The following TXN2 variants were observed in gnomAD, a reference collection of about 807,000 sequenced individuals.
TXN2 encodes the protein thioredoxin, mitochondrial.
In TXN2, 12 loss-of-function variants were observed where a neutral mutation model predicts 14.6. The observed-to-expected ratio is 0.82, with a 90% CI of 0.53 to 1.33. The LOEUF is 1.33. TXN2 is among the 40% of genes most tolerant of loss of function. The probability of loss-of-function intolerance (pLI) is 0.00; values close to 1 mark genes in which losing one functional copy is unlikely to be tolerated. For missense variants in TXN2, 173 were observed against 207.7 expected, an observed-to-expected ratio of 0.83 and a Z score of 1.03; for synonymous variants, 89 against 81.0, an observed-to-expected ratio of 1.10 and a Z score of -0.53.
intron 2 of TXN2, among the ~76,000 whole-genome samples, chr22:36,477,970 C>A (rs893869754): frequency 2.6e-5 from 4 of 151,886 alleles, no homozygotes; most frequent in Non-Finnish European, 5.9e-5. Context: ...AACCTCGTCT[C>A]TACTAAAAAT....
chr22:36,478,793 C>A (rs554267515), intron 2 of TXN2, among the ~76,000 whole-genome samples: 1 of 151,472 alleles, frequency 6.6e-6, no homozygotes, highest in African/African-American at 2.4e-5. Context: ...ATGGTGAAAC[C>A]CCGTCTCTAC....
At position 36,476,827 on chromosome 22, in the gene TXN2, G is replaced by A. The variant is rs139984170; in HGVS notation, c.293C>T (p.Pro98Leu). ...QWCGPCKILG[P>L]RLEKMVAKQH... ...CTTGGCCACCATCTTCTCTAACCTCGGCCCCAGGATCTTGCAGGGTCCACA... is the reference window on the plus strand; with the variant it reads ...CTTGGCCACCATCTTCTCTAACCTCAGCCCCAGGATCTTGCAGGGTCCACA... The change falls in exon 3 of 4, where the codon CCG becomes CTG. Residue 98 changes from proline (P) to leucine (L), a missense_variant. Coordinates refer to ENST00000216185, the MANE Select transcript of TXN2 (RefSeq NM_012473.4). The A allele has an allele frequency of 8.7e-5, 140 of 1,613,860 alleles. No individual in the cohort carries two copies. Among genetic ancestry groups the A allele is most frequent in the Non-Finnish European group, 1.1e-4 (133 of 1,180,022 alleles).
Position 36,480,729 on chromosome 22 carries a change from A to C in TXN2, c.109T>G (p.Cys37Gly). Reference protein sequence around the residue: ...LTSRALQTPQCSPGGLTVTPN... With the variant: ...LTSRALQTPQGSPGGLTVTPN... ...GTTACAGTCAGGCCACCAGGACTGC[A>C]TTGTGGGGTCTGCAGGGCTCTGGAA... The change falls in exon 2 of 4, where the codon TGC (cysteine) becomes GGC (glycine). Residue 37 changes from cysteine to glycine, a missense_variant. Physicochemically the swap from Cys to Gly is radical, Grantham distance 159. Coordinates refer to ENST00000216185, the MANE Select transcript of TXN2 (RefSeq NM_012473.4). 1.2e-6 allele frequency: 2 copies of C among 1,614,078 alleles called. No homozygotes were observed. The highest frequency in any genetic ancestry group is 1.7e-6 in the Non-Finnish European group (2 of 1,180,006).
chr22:36,480,643 C>T lies in TXN2; in HGVS notation c.195G>A (p.Gln65=), dbSNP rs1426144739. 5.6e-6 allele frequency: 9 copies of T among 1,614,182 alleles called. No individual in the cohort carries two copies. Among genetic ancestry groups the T allele is most frequent in the Non-Finnish European group, 7.6e-6 (9 of 1,180,030 alleles). The stretch of plus-strand genomic sequence containing the variant: ...CTCGGTCTTGAAAGTCAGGTCCATC[C>T]TGGATATTAAAGGTTGTCAAGGAGA... ...TRISLTTFNI[Q]DGPDFQDRVV... Residue 65 remains glutamine, a synonymous_variant, in exon 2 of 4, where the codon CAG becomes CAA. Transcript: ENST00000216185.
chr22:36,477,420 G>C (rs1337506930), intron 2 of TXN2, among the ~76,000 whole-genome samples: 1 of 152,214 alleles, frequency 6.6e-6, no homozygotes, highest in African/African-American at 2.4e-5. Context: ...GTGTTAGCCA[G>C]GATGGTCTCG....
chr22:36,477,365 G>A (rs1195608965), intron 2 of TXN2, among the ~76,000 whole-genome samples: 2 of 152,088 alleles, frequency 1.3e-5, no homozygotes, highest in Non-Finnish European at 2.9e-5. Flanking sequence ...CTGCCAACAC[G>A]CCCAGCTAAT....
chr22:36,472,301 A>C (rs900884758), intron 3 of TXN2, among the ~76,000 whole-genome samples: 2 of 152,156 alleles, frequency 1.3e-5, no homozygotes, highest in African/African-American at 4.8e-5. Flanking sequence ...AGAGATGAAC[A>C]GGCAGAGGAG....
chr22:36,475,333 G>A (rs1303810051), intron 3 of TXN2, among the ~76,000 whole-genome samples: 1 of 152,192 alleles, frequency 6.6e-6, no homozygotes, highest in African/African-American at 2.4e-5. Flanking sequence ...AGCCGAGATT[G>A]TGCCACTGCA....
At chr22:36,475,324 G>C (rs1318446072) in intron 3 of TXN2, among the ~76,000 whole-genome samples, 2 of 152,222 alleles carry the variant, frequency 1.3e-5, no homozygotes, top group Non-Finnish European at 2.9e-5. Context: ...GTTGCAGTGA[G>C]CCGAGATTGT....
chr22:36,476,694 A>C (rs758137122), intron 3 of TXN2, 39 bp downstream of exon 3: 1 of 1,613,444 alleles, frequency 6.2e-7, no homozygotes, highest in South Asian at 1.1e-5. Context: ...GACACCTCCT[A>C]TACTGGCTTC....
intron 1 of TXN2, 144 bp from the exon 2 acceptor site, chr22:36,480,981 G>C (rs1933490444): frequency 1.1e-6 from 1 of 902,356 alleles, no homozygotes; most frequent in Non-Finnish European, 1.5e-6. Flanking sequence ...TTGTAGCGTG[G>C]AAGTGAGGAA....
At chr22:36,470,140 T>C (rs1031769996) in intron 3 of TXN2, among the ~76,000 whole-genome samples, 2 of 152,156 alleles carry the variant, frequency 1.3e-5, no homozygotes, top group South Asian at 2.1e-4. Flanking sequence ...TCAAAAACCA[T>C]GCACATGGTA....
rs887271242 is a variant in TXN2 at position 36,479,743 on chromosome 22, T to A, written c.263+832A>T. Among the ~76,000 whole-genome samples the A allele has an allele frequency of 2.6e-5, 4 of 152,208 alleles. No homozygotes were observed. The South Asian group carries it at 8.3e-4, about 32-fold the overall frequency. On this transcript the variant is annotated intron_variant, in intron 2 of 3. Coordinates refer to ENST00000216185, the MANE Select transcript of TXN2 (RefSeq NM_012473.4). ...TGGGTGTCTAGCCAGGCCCCAAAGA[T>A]CTAGAAATGAAAAAGCCCAGGCTAA...
chr22:36,474,673 C>T (rs185605186), intron 3 of TXN2, among the ~76,000 whole-genome samples: 295 of 152,328 alleles, frequency 1.9e-3, no homozygotes, highest in Non-Finnish European at 3.1e-3. Context: ...TAAAATACTT[C>T]GAGTGCCAGA....
At chr22:36,475,051 CTTATCAGGGAGA>C (rs1933358293) in intron 3 of TXN2, among the ~76,000 whole-genome samples, 1 of 149,832 alleles carries the variant, frequency 6.7e-6, no homozygotes, top group South Asian at 2.1e-4. Context: ...CAAAGGTCAG[CTTATCAGGGAGA>C]TCTACCCTAT....
intron 3 of TXN2, among the ~76,000 whole-genome samples, chr22:36,473,547 G>T (rs1035839519): frequency 7.2e-5 from 11 of 152,190 alleles, no homozygotes; most frequent in African/African-American, 2.7e-4. Flanking sequence ...AAGAAAAGAG[G>T]AAGGAAGGAA....
At chr22:36,471,640 T>C (rs1933276587) in intron 3 of TXN2, among the ~76,000 whole-genome samples, 1 of 152,156 alleles carries the variant, frequency 6.6e-6, no homozygotes, top group Non-Finnish European at 1.5e-5. Context: ...ACGATGAGAA[T>C]ACTGAGGCTC....
intron 3 of TXN2, 120 bp from the exon 4 acceptor site, chr22:36,468,037 T>G: frequency 1.3e-6 from 1 of 798,922 alleles, no homozygotes; most frequent in South Asian, 1.6e-5. Context: ...CCCAAAGCCA[T>G]GGGCAGGCCT....
In TXN2 at chr22:36,481,639, T is replaced by C; in HGVS notation, c.-76A>G. On this transcript the variant is annotated 5_prime_UTR_variant, in exon 1 of 4. Coordinates refer to ENST00000216185, the MANE Select transcript of TXN2 (RefSeq NM_012473.4). ...CAAGGGCACGCCTGTCGTCACTTCC[T>C]CGGGGGGGGACGTACATAACGTCAC... 1.0e-6 allele frequency: 1 copy of C among 952,442 alleles called. No homozygotes were observed. The highest frequency in any genetic ancestry group is 1.2e-6 in the Non-Finnish European group (1 of 802,010). The allele number at this position is 952,442 out of a possible 1,614,324, so 59.0% of individuals were successfully genotyped here.
Sources: allele counts gnomAD v4.1 joint callset (sites outside exome capture counted in the v4.1 genomes callset), GRCh38; gene constraint gnomAD v4.1.1; transcripts MANE v1.5; gene names NCBI Gene and HGNC (gene_info 2026-07-23, HGNC 2026-07-21).